The following AP2B1 variants were observed in gnomAD, a reference collection of about 807,000 sequenced individuals.
AP2B1 encodes the protein adaptor related protein complex 2 subunit beta 1.
AP2B1 carries 23 observed loss-of-function variants against 102.0 expected under a neutral mutation model. The ratio of observed to expected loss-of-function variants is 0.23; its 90% CI spans 0.16 to 0.32. The LOEUF is 0.32. Among genes scored for constraint, AP2B1 ranks in the 10% least tolerant of loss-of-function variants. The pLI is 1.00. For missense variants in AP2B1, 541 were observed against 1,157.4 expected (o/e 0.47, Z 7.73); for synonymous variants, 381 against 421.2 (o/e 0.90, Z 1.17).
In AP2B1 at chr17:35,617,843, T is replaced by C. The variant is rs565795777; in HGVS notation, c.526-6554T>C. ...CTTTAATGAATTTTAGGGGCCATGG[T>C]CCAAATAACTGTGATGGTTATAGGC... On this transcript the variant is annotated intron_variant, in intron 5 of 21. Coordinates refer to ENST00000610402, the MANE Select transcript of AP2B1 (RefSeq NM_001030006.2). 2.6e-5 allele frequency among the ~76,000 whole-genome samples: 4 copies of C among 152,376 alleles called. No homozygotes were observed. In the South Asian group the frequency reaches 8.3e-4, roughly 32 times the overall value.
chr17:35,629,051 C>A (rs544749676), intron 9 of AP2B1, among the ~76,000 whole-genome samples: 1 of 151,964 alleles, frequency 6.6e-6, no homozygotes, highest in African/African-American at 2.4e-5. Context: ...CGGGCTCAAG[C>A]GACTCTTATG....
chr17:35,655,915 G>A (rs2075208294), intron 13 of AP2B1, among the ~76,000 whole-genome samples: 1 of 152,164 alleles, frequency 6.6e-6, no homozygotes, highest in South Asian at 2.1e-4. Context: ...TCATGTTACT[G>A]TATCCTCTTT....
chr17:35,657,150 A>G (rs1245009217), intron 13 of AP2B1, among the ~76,000 whole-genome samples: 4 of 152,074 alleles, frequency 2.6e-5, no homozygotes, highest in Admixed American at 6.6e-5. Flanking sequence ...TCTCTCTCAT[A>G]TCCTATCAAT....
intron 18 of AP2B1, among the ~76,000 whole-genome samples, chr17:35,687,397 G>A (rs1317401709): frequency 6.6e-6 from 1 of 152,022 alleles, no homozygotes. Flanking sequence ...TGGGATTACA[G>A]GTGCGAGCCA....
chr17:35,717,191 C>T lies in AP2B1; in HGVS notation c.2627-4C>T. ...GGTGTTGGATTTTGAATCTGTATTT[C>T]TAGACACTGTTTCCAGCAAGTTGCA... On this transcript the variant is annotated splice_polypyrimidine_tract_variant and splice_region_variant and intron_variant, in intron 20 of 21. Coordinates refer to ENST00000610402, the MANE Select transcript of AP2B1 (RefSeq NM_001030006.2). 1 of 1,613,450 alleles carries T rather than the reference C, an allele frequency of 6.2e-7. No individual in the cohort carries two copies. The highest frequency in any genetic ancestry group is 8.5e-7 in the Non-Finnish European group (1 of 1,179,660).
intron 16 of AP2B1, among the ~76,000 whole-genome samples, chr17:35,672,877 A>C (rs2075618600): frequency 6.6e-6 from 1 of 152,154 alleles, no homozygotes; most frequent in African/African-American, 2.4e-5. Flanking sequence ...ATGTATAGCC[A>C]CTGTTAACTT....
chr17:35,635,371 G>C (rs2074576762), intron 9 of AP2B1, among the ~76,000 whole-genome samples: 2 of 149,910 alleles, frequency 1.3e-5, no homozygotes, highest in South Asian at 4.2e-4. Flanking sequence ...GTAGTTTTTT[G>C]TTTTGCTTTG....
intron 18 of AP2B1, among the ~76,000 whole-genome samples, chr17:35,687,148 T>C (rs1356350282): frequency 1.3e-5 from 2 of 152,194 alleles, no homozygotes; most frequent in African/African-American, 4.8e-5. Context: ...AGATAGGGTC[T>C]CACTCTGTCA....
chr17:35,698,037 C>T (rs1244580706), intron 18 of AP2B1, among the ~76,000 whole-genome samples: 1 of 152,052 alleles, frequency 6.6e-6, no homozygotes, highest in African/African-American at 2.4e-5. Flanking sequence ...ACAATTTTTT[C>T]AGGTATTCAA....
chr17:35,639,787 A>T (rs2074714412), intron 11 of AP2B1, 27 bp downstream of exon 11: 1 of 1,603,190 alleles, frequency 6.2e-7, no homozygotes, highest in Non-Finnish European at 8.5e-7. Context: ...TGTCTATCCT[A>T]GTAGTTTTAG....
At chr17:35,671,725 C>T (rs760572516) in intron 15 of AP2B1, 29 bp from the exon 16 acceptor site, 1 of 1,610,296 alleles carries the variant, frequency 6.2e-7, no homozygotes, top group East Asian at 2.2e-5. Flanking sequence ...TTCCCAATCT[C>T]CCCTCTCCCT....
intron 14 of AP2B1, among the ~76,000 whole-genome samples, chr17:35,658,081 C>A (rs1350158824): frequency 6.6e-6 from 1 of 152,104 alleles, no homozygotes; most frequent in Non-Finnish European, 1.5e-5. Context: ...TGTTTAGTAT[C>A]TTTTCCAGAG....
At chr17:35,723,404 C>G (rs2085459336) in intron 21 of AP2B1, among the ~76,000 whole-genome samples, 1 of 152,154 alleles carries the variant, frequency 6.6e-6, no homozygotes, top group Non-Finnish European at 1.5e-5. Flanking sequence ...TCTTATAGAC[C>G]CACATGGAAT....
At chr17:35,596,711 G>A (rs923258525) in intron 2 of AP2B1, among the ~76,000 whole-genome samples, 1 of 152,102 alleles carries the variant, frequency 6.6e-6, no homozygotes, top group African/African-American at 2.4e-5. Context: ...CCAGCTGCCC[G>A]GTGTAGAAGC....
intron 14 of AP2B1, among the ~76,000 whole-genome samples, chr17:35,661,973 T>C (rs1236078222): frequency 6.6e-6 from 1 of 152,224 alleles, no homozygotes. Context: ...GAAATACTTA[T>C]CAATTTATTA....
intron 5 of AP2B1, among the ~76,000 whole-genome samples, chr17:35,611,380 C>A (rs74876107): frequency 0.018 from 2,671 of 152,268 alleles, 31 homozygotes; most frequent in Middle Eastern, 0.071. Flanking sequence ...GGCAGCATCT[C>A]TATGCTAATG....
chr17:35,605,597 T>C (rs1256013054), intron 3 of AP2B1, 108 bp from the exon 4 acceptor site: 1 of 800,648 alleles, frequency 1.2e-6, no homozygotes, highest in African/African-American at 1.7e-5. Flanking sequence ...TGTGGGGACA[T>C]TTGTTCTTGC....
chr17:35,635,415 C>T (rs1402839853), intron 9 of AP2B1, among the ~76,000 whole-genome samples: 2 of 152,102 alleles, frequency 1.3e-5, no homozygotes, highest in African/African-American at 2.4e-5. Context: ...GACGGAGTCT[C>T]GTTCTGTCAA....
chr17:35,622,663 A>ATATT (rs1357510667), intron 5 of AP2B1, among the ~76,000 whole-genome samples: 1 of 152,062 alleles, frequency 6.6e-6, no homozygotes, highest in Admixed American at 6.6e-5. Flanking sequence ...TACTTGGAGA[A>ATATT]TATTTATTTA....
Sources: allele counts gnomAD v4.1 joint callset (sites outside exome capture counted in the v4.1 genomes callset), GRCh38; gene constraint gnomAD v4.1.1; transcripts MANE v1.5; gene names NCBI Gene and HGNC (gene_info 2026-07-23, HGNC 2026-07-21).